The following DOCK2 variants were observed in gnomAD, a reference collection of about 807,000 sequenced individuals.
The protein encoded by DOCK2 is dedicator of cytokinesis 2.
Under a neutral mutation model 248.9 loss-of-function variants are expected in DOCK2, and 87 were observed. The observed-to-expected ratio is 0.35, with a 90% confidence interval of 0.29 to 0.42. The LOEUF is 0.42. Ranked by LOEUF, DOCK2 falls within the 10% of genes least tolerant of loss-of-function variation. The probability of loss-of-function intolerance (pLI) is 1.00; values close to 1 mark genes in which losing one functional copy is unlikely to be tolerated. For missense variants in DOCK2, 1,747 were observed against 2,300.2 expected (o/e 0.76, Z 4.92); for synonymous variants, 805 against 821.6 (o/e 0.98, Z 0.35).
intron 6 of DOCK2, among the ~76,000 whole-genome samples, chr5:169,678,492 T>C (rs1759467741): frequency 6.6e-6 from 1 of 152,166 alleles, no homozygotes. Flanking sequence ...CTTGAACTCC[T>C]GACCTTGTGA....
intron 27 of DOCK2, among the ~76,000 whole-genome samples, chr5:169,952,247 T>A (rs1438696725): frequency 1.3e-5 from 2 of 152,192 alleles, no homozygotes; most frequent in African/African-American, 4.8e-5. Flanking sequence ...AAGAGACCTG[T>A]TTTTTATTCT....
At chr5:169,881,312 C>A in intron 27 of DOCK2, 1 of 1,419,540 alleles carries the variant, frequency 7.0e-7, no homozygotes, top group South Asian at 1.2e-5. Context: ...CTAGAGTGTT[C>A]AGCGGACCCT....
chr5:170,056,868 C>A, intron 43 of DOCK2, 100 bp downstream of exon 43: 3 of 1,133,564 alleles, frequency 2.6e-6, no homozygotes, highest in Non-Finnish European at 2.5e-6. Flanking sequence ...TGATAGAAAG[C>A]CAGAGAAAAT....
At chr5:169,858,155 G>A (rs1203692276) in intron 27 of DOCK2, among the ~76,000 whole-genome samples, 1 of 152,234 alleles carries the variant, frequency 6.6e-6, no homozygotes, top group Non-Finnish European at 1.5e-5. Flanking sequence ...GGTACATGAT[G>A]GAGATACAAA....
chr5:169,950,892 G>T (rs1168793735), intron 27 of DOCK2, among the ~76,000 whole-genome samples: 1 of 152,242 alleles, frequency 6.6e-6, no homozygotes, highest in Non-Finnish European at 1.5e-5. Flanking sequence ...GATGTGGCCT[G>T]TGATGTTTTG....
intron 7 of DOCK2, among the ~76,000 whole-genome samples, chr5:169,682,428 A>T (rs1220197283): frequency 6.6e-6 from 1 of 152,230 alleles, no homozygotes. Context: ...GGAAAGCCAA[A>T]CAAGGATGAG....
chr5:169,735,213 T>C (rs112142688), intron 22 of DOCK2, among the ~76,000 whole-genome samples: 3 of 152,298 alleles, frequency 2.0e-5, no homozygotes, highest in African/African-American at 7.2e-5. Context: ...CAAAACCTAA[T>C]GTGGCCTGCA....
chr5:169,686,414 G>A (rs1204587662), intron 8 of DOCK2, among the ~76,000 whole-genome samples: 1 of 152,226 alleles, frequency 6.6e-6, no homozygotes, highest in African/African-American at 2.4e-5. Context: ...GCTCAATGGG[G>A]TGTGCCTGAG....
intron 27 of DOCK2, among the ~76,000 whole-genome samples, chr5:169,926,462 T>C (rs7700558): frequency 0.037 from 5,699 of 152,272 alleles, 328 homozygotes; most frequent in African/African-American, 0.13. Context: ...ATGGTCTGCA[T>C]TGATCTTCTG....
intron 2 of DOCK2, among the ~76,000 whole-genome samples, chr5:169,664,705 C>G (rs1284042328): frequency 6.6e-6 from 1 of 152,100 alleles, no homozygotes; most frequent in Non-Finnish European, 1.5e-5. Flanking sequence ...CACGAGAACT[C>G]GTTATCACCA....
intron 44 of DOCK2, among the ~76,000 whole-genome samples, chr5:170,059,874 T>C (rs2113861009): frequency 6.6e-6 from 1 of 152,372 alleles, no homozygotes; most frequent in South Asian, 2.1e-4. Context: ...CGATGGCTTC[T>C]CATAGATGGC....
rs975392588 is a variant in DOCK2 at position 170,045,805 on chromosome 5, C to T, written c.3877-11C>T. 8 of 1,613,970 alleles carry T rather than the reference C, an allele frequency of 5.0e-6. No individual in the cohort carries two copies. Among genetic ancestry groups the T allele is most frequent in the Non-Finnish European group, 6.8e-6 (8 of 1,179,858 alleles). Reference sequence around the variant, plus strand: ...TGCCACCTCACCTTTGTCCCTGTGACCTTCCTGTAGATGTGGGAAGAGGCC... The same window carrying T: ...TGCCACCTCACCTTTGTCCCTGTGATCTTCCTGTAGATGTGGGAAGAGGCC... On this transcript the variant is annotated splice_polypyrimidine_tract_variant and intron_variant, in intron 38 of 51. Coordinates refer to ENST00000520908, the MANE Select transcript of DOCK2 (RefSeq NM_004946.3).
At chr5:169,834,876 T>G (rs958667142) in intron 26 of DOCK2, among the ~76,000 whole-genome samples, 1 of 151,956 alleles carries the variant, frequency 6.6e-6, no homozygotes. Context: ...CAGAAGCAAA[T>G]CTACTTGGAG....
At chr5:169,997,965 A>G (rs1209787108) in intron 30 of DOCK2, 2 of 456,208 alleles carry the variant, frequency 4.4e-6, no homozygotes, top group South Asian at 3.1e-5. Flanking sequence ...TACCCTTTCT[A>G]CTTCATAGGG....
At chr5:169,917,897 A>G (rs908319816) in intron 27 of DOCK2, among the ~76,000 whole-genome samples, 1 of 152,238 alleles carries the variant, frequency 6.6e-6, no homozygotes, top group Non-Finnish European at 1.5e-5. Flanking sequence ...GAAATGGGAC[A>G]TTAAATAAAG....
chr5:169,781,897 AT>A (rs1156746590), intron 25 of DOCK2, among the ~76,000 whole-genome samples: 1 of 152,088 alleles, frequency 6.6e-6, no homozygotes, highest in Non-Finnish European at 1.5e-5. Flanking sequence ...CATCAGGCTC[AT>A]CCCTGCCGAT....
In DOCK2 at chr5:169,714,091, G is replaced by A. The variant is rs1201508664; in HGVS notation, c.1723G>A (p.Val575Met). 6.2e-7 allele frequency: 1 copy of A among 1,613,720 alleles called. No individual in the cohort carries two copies. Among genetic ancestry groups the A allele is most frequent in the East Asian group, 2.2e-5 (1 of 44,844 alleles). The change falls in exon 18 of 52, where the codon GTG (valine) becomes ATG (methionine). Residue 575 changes from valine (V) to methionine (M), a missense_variant. This residue lies in a region of DOCK2 where 858 missense variants were observed against 1,183.5 expected (regional missense o/e 0.72). Transcript: ENST00000520908. ...YLTLPSYRHH[V>M]ENKGATLSRS... ...GACCCTTCCTTCTTATCGACACCAT[G>A]TGGAAAACAAGGGGGCCACGCTGAG...
intron 25 of DOCK2, among the ~76,000 whole-genome samples, chr5:169,792,002 TG>T (rs1766366580): frequency 6.6e-6 from 1 of 152,114 alleles, no homozygotes; most frequent in Non-Finnish European, 1.5e-5. Flanking sequence ...GAGATAAAAG[TG>T]TAGGAGTTCC....
At chr5:169,797,963 A>G (rs967065110) in intron 25 of DOCK2, among the ~76,000 whole-genome samples, 2 of 152,218 alleles carry the variant, frequency 1.3e-5, no homozygotes, top group African/African-American at 4.8e-5. Flanking sequence ...GAGAAGACAG[A>G]GTACCTTCTG....
Sources: gnomAD v4.1 joint callset for allele counts (sites outside exome capture counted in the v4.1 genomes callset) on GRCh38, gnomAD v4.1.1 for gene constraint, gnomAD v4.1.1 regional missense constraint, MANE v1.5 for transcripts, NCBI Gene and HGNC (gene_info 2026-07-23, HGNC 2026-07-21) for gene names.